NEBL: variants seen among roughly 807,000 people sequenced by gnomAD.
NEBL encodes LIM and SH3 protein 2.
In NEBL, 122 loss-of-function variants were observed where a neutral mutation model predicts 140.2. The ratio of observed to expected loss-of-function variants is 0.87; its 90% CI spans 0.75 to 1.01. The LOEUF is 1.01. Ranked by LOEUF, NEBL falls within the 50% of genes least tolerant of loss-of-function variation. The pLI is 0.00. For synonymous variants in NEBL, 436 were observed against 398.9 expected, an observed-to-expected ratio of 1.09 and a Z score of -1.11; for missense variants, 1,365 against 1,231.3, an observed-to-expected ratio of 1.11 and a Z score of -1.62.
At chr10:21,131,845 C>A (rs1294139010) in intron 2 of NEBL, among the ~76,000 whole-genome samples, 1 of 152,062 alleles carries the variant, frequency 6.6e-6, no homozygotes, top group Non-Finnish European at 1.5e-5. Flanking sequence ...CCCTTGGGTG[C>A]CCAAAGTGAA....
chr10:21,085,244 T>G (rs1337674936), intron 2 of NEBL, among the ~76,000 whole-genome samples: 1 of 152,198 alleles, frequency 6.6e-6, no homozygotes, highest in Non-Finnish European at 1.5e-5. Flanking sequence ...CTTCTGAGAT[T>G]TTACTAAGTC....
At chr10:20,886,258 C>T (rs1439520670) in intron 4 of NEBL, among the ~76,000 whole-genome samples, 2 of 152,034 alleles carry the variant, frequency 1.3e-5, no homozygotes, top group African/African-American at 2.4e-5. Context: ...CGCAATGGCT[C>T]ACACCTGTAA....
At chr10:20,792,600 G>A (rs992396510) in intron 26 of NEBL, among the ~76,000 whole-genome samples, 3 of 152,054 alleles carry the variant, frequency 2.0e-5, no homozygotes, top group African/African-American at 2.4e-5. Flanking sequence ...TCAGGAGTTC[G>A]AGACCAGCCT....
At position 21,041,124 on chromosome 10, in the gene NEBL, A is replaced by G. The variant is rs77962718; in HGVS notation, c.165-20923T>C. On this transcript the variant is annotated intron_variant, in intron 2 of 6. Coordinates refer to the NEBL transcript ENST00000417816. Reference sequence around the variant, plus strand: ...TTGTTACATGGGTAGACTGTATGTCATGGGGGTTTGGTGTACAGATAATTT... The same window carrying G: ...TTGTTACATGGGTAGACTGTATGTCGTGGGGGTTTGGTGTACAGATAATTT... Among the ~76,000 whole-genome samples the G allele has an allele frequency of 6.3e-3, 960 of 152,302 alleles. 5 individuals carry two copies. The highest frequency in any genetic ancestry group is 0.021 in the African/African-American group (882 of 41,554).
At chr10:21,138,459 A>G (rs1293688861) in intron 2 of NEBL, among the ~76,000 whole-genome samples, 1 of 152,220 alleles carries the variant, frequency 6.6e-6, no homozygotes, top group African/African-American at 2.4e-5. Flanking sequence ...GAAGAAATAT[A>G]TAATGAATAG....
intron 2 of NEBL, among the ~76,000 whole-genome samples, chr10:21,022,650 C>A (rs1244701987): frequency 6.6e-6 from 1 of 152,148 alleles, no homozygotes; most frequent in Admixed American, 6.6e-5. Context: ...ATAAACGAAT[C>A]TAGTTATATT....
intron 1 of NEBL, among the ~76,000 whole-genome samples, chr10:21,291,727 A>G (rs1843146256): frequency 1.3e-5 from 2 of 151,866 alleles, no homozygotes; most frequent in African/African-American, 2.4e-5. Context: ...AACCTGGCCA[A>G]CATAGTGAAA....
At position 20,852,575 on chromosome 10, in the gene NEBL, G is replaced by A. The variant is rs1479545854; in HGVS notation, c.978C>T (p.His326=). The change falls in exon 10 of 28, where the codon CAC becomes CAT. Residue 326 remains histidine (H), a synonymous_variant. Transcript: ENST00000377122. ...TTTGGAGGACGGCATTGCCTTTATG[G>A]TGCAGATGTTCCACAGCATCTGCAT... ...HFDADAVEHL[H]HKGNAVLQSQ... 1.9e-6 allele frequency: 3 copies of A among 1,613,448 alleles called. No individual in the cohort carries two copies. Among genetic ancestry groups the A allele is most frequent in the African/African-American group, 2.7e-5 (2 of 74,894 alleles).
At chr10:21,035,549 G>A (rs1005610934) in intron 2 of NEBL, among the ~76,000 whole-genome samples, 1 of 152,022 alleles carries the variant, frequency 6.6e-6, no homozygotes, top group Non-Finnish European at 1.5e-5. Flanking sequence ...CCTGGCCATC[G>A]ATTATATAAT....
chr10:21,214,603 A>G (rs1841965596), intron 3 of NEBL, among the ~76,000 whole-genome samples: 1 of 151,424 alleles, frequency 6.6e-6, no homozygotes, highest in African/African-American at 2.4e-5. Context: ...ACACATATAC[A>G]CATGCACACA....
At chr10:21,179,902 C>T (rs1358139665), upstream of NEBL, among the ~76,000 whole-genome samples, 1 of 152,084 alleles carries the variant, frequency 6.6e-6, no homozygotes, top group Non-Finnish European at 1.5e-5. Flanking sequence ...CTTTGGGAGG[C>T]CAAGGCAGGC....
chr10:21,161,328 G>A (rs996860318), intron 2 of NEBL, among the ~76,000 whole-genome samples: 3 of 151,886 alleles, frequency 2.0e-5, no homozygotes, highest in Non-Finnish European at 4.4e-5. Flanking sequence ...CACCATACTC[G>A]TCCTCTATTC....
chr10:20,859,131 AT>A (rs1220081649), intron 8 of NEBL, among the ~76,000 whole-genome samples: 2 of 152,140 alleles, frequency 1.3e-5, no homozygotes, highest in South Asian at 2.1e-4. Flanking sequence ...AAAGTAATCA[AT>A]TTTTTGATGT....
At chr10:20,789,840 C>G (rs181294708) in intron 26 of NEBL, among the ~76,000 whole-genome samples, 54 of 151,104 alleles carry the variant, frequency 3.6e-4, no homozygotes, top group Non-Finnish European at 5.2e-4. Flanking sequence ...AGAGAGCAAT[C>G]TTATCTCAAA....
intron 3 of NEBL, among the ~76,000 whole-genome samples, chr10:21,187,021 T>A (rs1448182864): frequency 6.6e-6 from 1 of 151,750 alleles, no homozygotes; most frequent in African/African-American, 2.4e-5. Context: ...TGTGTGTGTG[T>A]GTGTGTGTAT....
intron 3 of NEBL, among the ~76,000 whole-genome samples, chr10:21,184,918 T>C (rs1176204725): frequency 6.6e-6 from 1 of 152,202 alleles, no homozygotes; most frequent in Non-Finnish European, 1.5e-5. Flanking sequence ...TTCTTTTGTA[T>C]TTTCCTGTGT....
chr10:20,990,195 T>C (rs567466739), intron 3 of NEBL, among the ~76,000 whole-genome samples: 1 of 152,228 alleles, frequency 6.6e-6, no homozygotes, highest in African/African-American at 2.4e-5. Context: ...ACATTTTTTC[T>C]AAATAGCAGC....
At position 20,799,959 on chromosome 10, in the gene NEBL, AAGAG is replaced by A. The variant is rs59024329; in HGVS notation, c.2761+8547_2761+8550del. Among the ~76,000 whole-genome samples the A allele has an allele frequency of 5.9e-5, 9 of 151,426 alleles. No homozygotes were observed. In the East Asian group the frequency reaches 9.7e-4, roughly 16 times the overall value. The stretch of plus-strand genomic sequence containing the variant: ...TGTGTGTGTGTGTGTGAGACGGAGA[AAGAG>A]AGAGCGCACGCGTGTGAGAGAGCGA... On this transcript the variant is annotated intron_variant, in intron 26 of 27. Transcript: ENST00000377122.
rs1175821255 is a variant in NEBL at position 20,815,720 on chromosome 10, A to G, written c.2149-3T>C. ...CCCAGCTGACCTCTGTAATAAACCT[A>G]TCATTTCAGAGAACAAAAAATAGAA... On this transcript the variant is annotated splice_polypyrimidine_tract_variant and splice_region_variant and intron_variant, in intron 21 of 27. Transcript: ENST00000377122. 6.4e-7 allele frequency: 1 copy of G among 1,565,728 alleles called. No individual in the cohort carries two copies. The highest frequency in any genetic ancestry group is 1.1e-5 in the South Asian group (1 of 90,136).
Sources: gnomAD v4.1 joint callset for allele counts (sites outside exome capture counted in the v4.1 genomes callset) on GRCh38, gnomAD v4.1.1 for gene constraint, MANE v1.5 for transcripts, NCBI Gene and HGNC (gene_info 2026-07-23, HGNC 2026-07-21) for gene names.